ZNF789: variants seen among roughly 807,000 people sequenced by gnomAD.
ZNF789 encodes the protein zinc finger protein 789.
In ZNF789, 11 loss-of-function variants were observed where a neutral mutation model predicts 15.6. The ratio of observed to expected loss-of-function variants is 0.70; its 90% CI spans 0.44 to 1.16. ZNF789 has a LOEUF of 1.16. Among genes scored for constraint, ZNF789 ranks in the 50% most tolerant of loss-of-function variants. The pLI, the probability that ZNF789 is intolerant of heterozygous loss-of-function variation, is 0.00. For missense variants in ZNF789, 461 were observed against 512.6 expected, an observed-to-expected ratio of 0.90 and a Z score of 0.97; for synonymous variants, 159 against 176.0, an observed-to-expected ratio of 0.90 and a Z score of 0.76.
intron 2 of ZNF789, among the ~76,000 whole-genome samples, chr7:99,476,958 C>G (rs966119233): frequency 6.6e-6 from 1 of 152,092 alleles, no homozygotes; most frequent in African/African-American, 2.4e-5. Context: ...ATAATAAATT[C>G]TGAACTGTTC....
chr7:99,473,346 T>A (rs1799124242), intron 1 of ZNF789, among the ~76,000 whole-genome samples: 1 of 152,220 alleles, frequency 6.6e-6, no homozygotes, highest in Admixed American at 6.5e-5. Flanking sequence ...TTTTGGATTT[T>A]GTCAAAAGTT....
At chr7:99,480,839 C>T (rs1051865167) in intron 3 of ZNF789, 25 of 152,272 alleles carry the variant, frequency 1.6e-4, no homozygotes, top group African/African-American at 5.8e-4. Context: ...GTTTTCTTTC[C>T]GGGGTCACAT....
At position 99,485,114 on chromosome 7, in the gene ZNF789, G is replaced by A. The variant is rs1174658404; in HGVS notation, c.265+971G>A. 3 of 1,446,388 alleles carry A rather than the reference G, an allele frequency of 2.1e-6. No individual in the cohort carries two copies. The African/African-American group carries it at 4.2e-5, about 20-fold the overall frequency. The allele number at this position is 1,446,388 out of a possible 1,614,324, so 89.6% of individuals were successfully genotyped here. On this transcript the variant is annotated intron_variant, in intron 4 of 4. Transcript: ENST00000331410. Reference sequence around the variant, plus strand: ...CCCTCATTACTTGTCCTCTCTCGGTGCTGCCTCTTGTTCCCTTGCTTTGTT... The same window carrying A: ...CCCTCATTACTTGTCCTCTCTCGGTACTGCCTCTTGTTCCCTTGCTTTGTT...
rs745432991 is a variant in ZNF789 at position 99,486,916 on chromosome 7, C to T, written c.706C>T (p.Gln236Ter). ...ENPFECKVCGQAFRQRSALTV... is the reference protein window; with the variant it reads ...ENPFECKVCG ...TCCTTTTGAGTGTAAGGTCTGTGGG[C>T]AAGCCTTCAGACAGCGGTCAGCTCT... The change falls in exon 5 of 5, where the codon CAA becomes TAA. Residue 236 changes from glutamine (Q) to a stop codon, truncating the protein, a stop_gained. Transcript: ENST00000331410. LOFTEE classifies it low-confidence loss of function (END_TRUNC). The T allele has an allele frequency of 1.9e-6, 3 of 1,614,000 alleles. No homozygotes were observed. The highest frequency in any genetic ancestry group is 2.5e-6 in the Non-Finnish European group (3 of 1,180,034).
At chr7:99,485,268 A>G (rs1799872462) in intron 4 of ZNF789, 1 of 1,503,258 alleles carries the variant, frequency 6.7e-7, no homozygotes, top group Admixed American at 2.0e-5. Flanking sequence ...TTTTGGGCTG[A>G]CGAATTCTTT....
At chr7:99,473,668 T>G (rs932395889) in intron 1 of ZNF789, among the ~76,000 whole-genome samples, 3 of 152,234 alleles carry the variant, frequency 2.0e-5, no homozygotes, top group Non-Finnish European at 4.4e-5. Context: ...TTGCCCAGTT[T>G]GGAGTACAAT....
chr7:99,482,970 C>T (rs1799727527), intron 3 of ZNF789, among the ~76,000 whole-genome samples: 1 of 152,144 alleles, frequency 6.6e-6, no homozygotes, highest in Admixed American at 6.6e-5. Context: ...GTGGCTCACG[C>T]CTGTAATCCC....
chr7:99,487,189 A>C lies in ZNF789; in HGVS notation c.979A>C (p.Thr327Pro). ...ECGKAFGRHS[T>P]LLCHQQIHSK... is the part of the protein sequence containing the mutation. ...TGGAAAAGCCTTTGGCCGGCATTCA[A>C]CCCTTCTATGTCATCAACAGATTCA... is the stretch of plus-strand genomic sequence containing the variant. The change falls in exon 5 of 5, where the codon ACC becomes CCC. Residue 327 changes from threonine to proline, a missense_variant. By Grantham distance (38) the Thr-to-Pro change is conservative (BLOSUM62 -1). Coordinates refer to ENST00000331410, the MANE Select transcript of ZNF789 (RefSeq NM_213603.3). 1 of 1,614,162 alleles carries C rather than the reference A, an allele frequency of 6.2e-7. No homozygotes were observed. Among genetic ancestry groups the C allele is most frequent in the Non-Finnish European group, 8.5e-7 (1 of 1,180,030 alleles).
chr7:99,476,571 A>G (rs1342666476), intron 2 of ZNF789, 91 bp downstream of exon 2: 94 of 1,538,666 alleles, frequency 6.1e-5, no homozygotes, highest in Non-Finnish European at 8.0e-5. Context: ...CAATGTGGGG[A>G]GTTTTCCTTC....
rs377298132 is a variant in ZNF789 at position 99,479,796 on chromosome 7, C to G, written c.151+9C>G. Reference sequence around the variant, plus strand: ...GAACATGGTCTTGCTGGGTAGGACACGGCTTGAAGATTGGGCTTTGTCTGT... The same window carrying G: ...GAACATGGTCTTGCTGGGTAGGACAGGGCTTGAAGATTGGGCTTTGTCTGT... On this transcript the variant is annotated intron_variant, in intron 3 of 4. Transcript: ENST00000331410. 1 of 1,610,730 alleles carries G rather than the reference C, an allele frequency of 6.2e-7. No individual in the cohort carries two copies.
At chr7:99,482,338 T>C in intron 3 of ZNF789, 5 of 714,824 alleles carry the variant, frequency 7.0e-6, no homozygotes, top group Non-Finnish European at 1.0e-5. Context: ...ATTGTGCCAA[T>C]CTCTGTTTTT....
chr7:99,484,449 GTC>G (rs1244607187), intron 4 of ZNF789, among the ~76,000 whole-genome samples: 1 of 152,040 alleles, frequency 6.6e-6, no homozygotes. Context: ...GTGAAACCCC[GTC>G]TCTACTGAAA....
At chr7:99,485,262 G>A in intron 4 of ZNF789, 1 of 1,514,652 alleles carries the variant, frequency 6.6e-7, no homozygotes, top group Non-Finnish European at 8.9e-7. Flanking sequence ...CTGACGTTTT[G>A]GGCTGACGAA....
Position 99,487,320 on chromosome 7 carries a change from A to G in ZNF789, c.1110A>G (p.Gln370=), listed in dbSNP as rs1195939650. The change falls in exon 5 of 5, where the codon CAA becomes CAG. Residue 370 remains glutamine (Q), a synonymous_variant. Coordinates refer to ENST00000331410, the MANE Select transcript of ZNF789 (RefSeq NM_213603.3). ...TCCATACAAAGGAGGAATTCTTTCA[A>G]TGTGGAGAATGTGGGAAAACGTTTA... ...QRIHTKEEFF[Q]CGECGKTFSF... 1.9e-6 allele frequency: 3 copies of G among 1,614,232 alleles called. No individual in the cohort carries two copies. The highest frequency in any genetic ancestry group is 1.7e-6 in the Non-Finnish European group (2 of 1,180,038).
In ZNF789 at chr7:99,486,999, A is replaced by T. The variant is rs1429765709; in HGVS notation, c.789A>T (p.Gly263=). Residue 263 remains glycine (G), a synonymous_variant, in exon 5 of 5, where the codon GGA becomes GGT. Transcript: ENST00000331410. Reference sequence around the variant, plus strand: ...AGCCATACAGATGTCATGACTGTGGAAAGTGTTTTCGGCAGCTCGCGTATC... The same window carrying T: ...AGCCATACAGATGTCATGACTGTGGTAAGTGTTTTCGGCAGCTCGCGTATC... ...QNKPYRCHDC[G]KCFRQLAYLV... 1.2e-6 allele frequency: 2 copies of T among 1,614,172 alleles called. No individual in the cohort carries two copies. Among genetic ancestry groups the T allele is most frequent in the Admixed American group, 3.3e-5 (2 of 60,000 alleles).
In ZNF789 at chr7:99,479,728, G is replaced by A. The variant is rs957799069; in HGVS notation, c.92G>A (p.Gly31Asp). The change falls in exon 3 of 5, where the codon GGT (glycine) becomes GAT (aspartate). Residue 31 changes from glycine (G) to aspartate (D), a missense_variant. Gly to Asp is a moderately conservative substitution (Grantham distance 94). Transcript: ENST00000331410. ...TREEWGHLNWGQKDLYRDVML... is the reference protein window; with the variant it reads ...TREEWGHLNWDQKDLYRDVML... The stretch of plus-strand genomic sequence containing the variant: ...GAGGAGTGGGGCCACCTCAACTGGG[G>A]TCAGAAGGACCTCTACCGAGATGTG... 3.7e-6 allele frequency: 6 copies of A among 1,613,994 alleles called. No individual in the cohort carries two copies. The highest frequency in any genetic ancestry group is 5.1e-6 in the Non-Finnish European group (6 of 1,180,004).
At chr7:99,477,425 G>A (rs916689968) in intron 2 of ZNF789, among the ~76,000 whole-genome samples, 6 of 151,504 alleles carry the variant, frequency 4.0e-5, no homozygotes, top group African/African-American at 2.4e-5. Context: ...TGGCAGCCTT[G>A]ACCTTCCCAG....
rs1027537756 is a variant in ZNF789, at chr7:99,483,860, A to G, written c.152-170A>G. Reference sequence around the variant, plus strand: ...GAAATGACCACAGCCAAAGGTATGAACATTGTTCAGGCTTTCAATAAAGAC... The same window carrying G: ...GAAATGACCACAGCCAAAGGTATGAGCATTGTTCAGGCTTTCAATAAAGAC... On this transcript the variant is annotated intron_variant, in intron 3 of 4. Transcript: ENST00000331410. The G allele has an allele frequency of 8.3e-5, 65 of 786,414 alleles. No homozygotes were observed. The South Asian group carries it at 8.4e-4, about 10-fold the overall frequency. 48.7% of individuals were successfully genotyped at this position (786,414 alleles called of 1,614,324 possible). A position where few individuals can be genotyped will look rare whatever the true frequency, so the allele number is the denominator to read the frequency against.
chr7:99,485,128 C>T, intron 4 of ZNF789: 7 of 1,503,244 alleles, frequency 4.7e-6, no homozygotes, highest in Non-Finnish European at 6.2e-6. Flanking sequence ...CCTCTTGTTC[C>T]CTTGCTTTGT....
Sources: allele counts gnomAD v4.1 joint callset (sites outside exome capture counted in the v4.1 genomes callset), GRCh38; gene constraint gnomAD v4.1.1; transcripts MANE v1.5; gene names NCBI Gene and HGNC (gene_info 2026-07-23, HGNC 2026-07-21).